CRADD: variants seen among roughly 807,000 people sequenced by gnomAD.
CRADD encodes CARD and death domain containing adaptor protein.
CRADD carries 9 observed loss-of-function variants against 15.5 expected under a neutral mutation model. That is an observed-to-expected ratio of 0.58 (90% CI 0.35 to 1.01). CRADD has a LOEUF of 1.01. Ranked by LOEUF, CRADD falls within the 50% of genes least tolerant of loss-of-function variation. CRADD has a pLI of 0.02. For missense variants in CRADD, 227 were observed against 250.3 expected (o/e 0.91, Z 0.63); for synonymous variants, 118 against 107.6 (o/e 1.10, Z -0.60).
intron 2 of CRADD, among the ~76,000 whole-genome samples, chr12:93,810,850 T>G (rs1957618218): frequency 6.6e-6 from 1 of 152,112 alleles, no homozygotes; most frequent in Non-Finnish European, 1.5e-5. Context: ...GAGGTACAAG[T>G]GTATTTGGAT....
At chr12:93,789,918 T>G (rs1248218922) in intron 2 of CRADD, among the ~76,000 whole-genome samples, 1 of 152,182 alleles carries the variant, frequency 6.6e-6, no homozygotes, top group African/African-American at 2.4e-5. Flanking sequence ...ACAGATGTCT[T>G]GTTGTTTTGG....
At chr12:93,830,489 T>C (rs545938097) in intron 2 of CRADD, among the ~76,000 whole-genome samples, 5 of 152,190 alleles carry the variant, frequency 3.3e-5, no homozygotes, top group Non-Finnish European at 7.3e-5. Flanking sequence ...AAGGAAACTT[T>C]TAAAAGAAAA....
intron 2 of CRADD, among the ~76,000 whole-genome samples, chr12:93,713,338 A>G (rs1415579570): frequency 6.6e-6 from 1 of 152,034 alleles, no homozygotes; most frequent in Non-Finnish European, 1.5e-5. Context: ...GCACGTAGCT[A>G]TGTGTGGCCA....
intron 2 of CRADD, among the ~76,000 whole-genome samples, chr12:93,772,461 T>C (rs543953892): frequency 2.0e-5 from 3 of 152,366 alleles, no homozygotes; most frequent in South Asian, 2.1e-4. Flanking sequence ...CATAGCCTTT[T>C]ATCTTCCTCT....
chr12:93,810,595 T>C (rs990050218), intron 2 of CRADD, among the ~76,000 whole-genome samples: 8 of 78,680 alleles, frequency 1.0e-4, no homozygotes, highest in Non-Finnish European at 1.9e-4. Context: ...AAAAAAAGAA[T>C]AGGGAATTTC....
intron 2 of CRADD, among the ~76,000 whole-genome samples, chr12:93,763,650 C>T (rs999313670): frequency 6.6e-6 from 1 of 151,656 alleles, no homozygotes; most frequent in Admixed American, 6.6e-5. Flanking sequence ...AAGAGTATTA[C>T]CTACTTTTAA....
At chr12:93,710,762 C>T (rs1042371713) in intron 2 of CRADD, among the ~76,000 whole-genome samples, 3 of 152,024 alleles carry the variant, frequency 2.0e-5, no homozygotes, top group African/African-American at 7.3e-5. Flanking sequence ...AGTAAATGCC[C>T]CTTCTTGATG....
chr12:93,728,790 A>G (rs1341315365), intron 2 of CRADD, among the ~76,000 whole-genome samples: 1 of 152,214 alleles, frequency 6.6e-6, no homozygotes, highest in Non-Finnish European at 1.5e-5. Context: ...GCAAAACAGA[A>G]AAAGGATAAT....
At chr12:93,800,015 A>G (rs368671287) in intron 2 of CRADD, among the ~76,000 whole-genome samples, 1 of 152,328 alleles carries the variant, frequency 6.6e-6, no homozygotes, top group Non-Finnish European at 1.5e-5. Context: ...AGAGGAACAG[A>G]CTTGATAGTA....
intron 2 of CRADD, among the ~76,000 whole-genome samples, chr12:93,875,280 T>G (rs1198373443): frequency 1.3e-5 from 2 of 152,046 alleles, no homozygotes; most frequent in Non-Finnish European, 2.9e-5. Context: ...ATTTTCAGTC[T>G]ATGTGTGTCT....
chr12:93,777,414 T>C (rs888341809), intron 2 of CRADD, among the ~76,000 whole-genome samples: 28 of 152,210 alleles, frequency 1.8e-4, no homozygotes, highest in African/African-American at 6.8e-4. Flanking sequence ...GCAGTAATAG[T>C]TTCCTTTGCT....
intron 2 of CRADD, among the ~76,000 whole-genome samples, chr12:93,682,852 A>G (rs1210898312): frequency 6.6e-6 from 1 of 151,914 alleles, no homozygotes; most frequent in Non-Finnish European, 1.5e-5. Context: ...TTGTTAATGG[A>G]TCATTGGTTT....
At chr12:93,874,445 A>C (rs1189399498) in intron 2 of CRADD, among the ~76,000 whole-genome samples, 1 of 149,676 alleles carries the variant, frequency 6.7e-6, no homozygotes, top group Non-Finnish European at 1.5e-5. Flanking sequence ...TTCTGTTCTG[A>C]TCTTTATTAT....
intron 2 of CRADD, among the ~76,000 whole-genome samples, chr12:93,711,901 G>A (rs1338677753): frequency 6.6e-6 from 1 of 151,922 alleles, no homozygotes; most frequent in Non-Finnish European, 1.5e-5. Flanking sequence ...GATTACAGGC[G>A]TGAGCCACCA....
At chr12:93,699,093 C>T (rs1006403945) in intron 2 of CRADD, among the ~76,000 whole-genome samples, 4 of 152,110 alleles carry the variant, frequency 2.6e-5, no homozygotes, top group Non-Finnish European at 2.9e-5. Context: ...TTCTTATGAC[C>T]GGAATCAGCT....
chr12:93,693,096 C>CA (rs1955612271), intron 2 of CRADD, among the ~76,000 whole-genome samples: 1 of 151,776 alleles, frequency 6.6e-6, no homozygotes, highest in South Asian at 2.1e-4. Flanking sequence ...GGTATATACA[C>CA]AAAAAATAAA....
intron 2 of CRADD, chr12:93,714,582 C>T (rs939196867): frequency 3.9e-5 from 6 of 152,230 alleles, no homozygotes; most frequent in African/African-American, 9.6e-5. Flanking sequence ...GTAACAAGAA[C>T]TCTGGAGGTC....
intron 2 of CRADD, among the ~76,000 whole-genome samples, chr12:93,820,563 GA>G (rs1593018080): frequency 1.3e-5 from 2 of 148,554 alleles, no homozygotes; most frequent in Admixed American, 6.7e-5. Context: ...AAAAAAAAAA[GA>G]AAAAAAAGCA....
At chr12:93,797,871 G>A (rs1054279896) in intron 2 of CRADD, among the ~76,000 whole-genome samples, 8 of 152,198 alleles carry the variant, frequency 5.3e-5, no homozygotes, top group Non-Finnish European at 1.0e-4. Flanking sequence ...AGGGCAATAA[G>A]AGGCAGTTCC....
Sources: allele counts gnomAD v4.1 joint callset (sites outside exome capture counted in the v4.1 genomes callset), GRCh38; gene constraint gnomAD v4.1.1; transcripts MANE v1.5; gene names NCBI Gene and HGNC (gene_info 2026-07-23, HGNC 2026-07-21).